CACNA2D2: variants seen among roughly 807,000 people sequenced by gnomAD.
CACNA2D2 encodes the protein calcium voltage-gated channel auxiliary subunit alpha2delta 2, also known as voltage-dependent calcium channel subunit alpha-2/delta-2.
CACNA2D2 carries 48 observed loss-of-function variants against 166.4 expected under a neutral mutation model. That is an observed-to-expected ratio of 0.29 (90% CI 0.23 to 0.37). The LOEUF (loss-of-function observed/expected upper bound fraction) is 0.37. CACNA2D2 is among the 10% of genes least tolerant of loss of function. The pLI is 1.00. For synonymous variants in CACNA2D2, 561 were observed against 573.7 expected (o/e 0.98, Z 0.32); for missense variants, 1,122 against 1,433.0 (o/e 0.78, Z 3.50).
intron 6 of CACNA2D2, among the ~76,000 whole-genome samples, 184 bp downstream of exon 6, chr3:50,384,012 G>A (rs1345642426): frequency 6.6e-6 from 1 of 152,242 alleles, no homozygotes; most frequent in East Asian, 1.9e-4. Context: ...GTGAGGCTCT[G>A]CCTGTAAGTG....
chr3:50,410,023 A>G (rs900158247), intron 3 of CACNA2D2, among the ~76,000 whole-genome samples: 1 of 152,138 alleles, frequency 6.6e-6, no homozygotes, highest in Non-Finnish European at 1.5e-5. Flanking sequence ...GGAGTTGTAT[A>G]CACTCCCCAA....
intron 2 of CACNA2D2, among the ~76,000 whole-genome samples, chr3:50,441,423 C>T (rs9883635): frequency 0.095 from 14,425 of 152,284 alleles, 1,989 homozygotes; most frequent in African/African-American, 0.3. Context: ...TGCCTCGTTA[C>T]GCTGTAAAAT....
chr3:50,503,725 CGGGCTGG>C (rs1699090408), upstream of CACNA2D2: 1 of 152,072 alleles, frequency 6.6e-6, no homozygotes, highest in African/African-American at 2.4e-5. Flanking sequence ...TCTCTCTTCC[CGGGCTGG>C]CCCGCCCCCG....
chr3:50,500,106 C>CGTCA (rs1367256319), intron 1 of CACNA2D2, among the ~76,000 whole-genome samples: 1 of 152,212 alleles, frequency 6.6e-6, no homozygotes, highest in Non-Finnish European at 1.5e-5. Flanking sequence ...GACAGACACA[C>CGTCA]GTCACCCACC....
intron 1 of CACNA2D2, among the ~76,000 whole-genome samples, chr3:50,502,417 G>C (rs1378970102): frequency 1.3e-5 from 2 of 152,232 alleles, no homozygotes; most frequent in East Asian, 3.8e-4. Context: ...GACACATCTG[G>C]CTAAGCTCAC....
At chr3:50,400,867 G>T (rs1559912650) in intron 3 of CACNA2D2, among the ~76,000 whole-genome samples, 2 of 152,138 alleles carry the variant, frequency 1.3e-5, no homozygotes, top group African/African-American at 4.8e-5. Context: ...ATAAGACAAG[G>T]TCTCTCTATG....
intron 2 of CACNA2D2, among the ~76,000 whole-genome samples, chr3:50,465,050 G>A (rs1480124792): frequency 6.6e-6 from 1 of 152,190 alleles, no homozygotes; most frequent in East Asian, 1.9e-4. Flanking sequence ...TGTACTCCTG[G>A]AGTCCATACT....
intron 37 of CACNA2D2, 37 bp downstream of exon 37, chr3:50,364,851 G>A: frequency 1.9e-6 from 3 of 1,613,234 alleles, no homozygotes; most frequent in African/African-American, 1.3e-5. Flanking sequence ...CGGGCGCAAG[G>A]CCGCGGGATT....
At chr3:50,502,128 G>C (rs1698993289) in intron 1 of CACNA2D2, among the ~76,000 whole-genome samples, 1 of 152,188 alleles carries the variant, frequency 6.6e-6, no homozygotes, top group Non-Finnish European at 1.5e-5. Flanking sequence ...GGGCAGAGCT[G>C]GTTTAAATGA....
chr3:50,378,978 A>T lies in CACNA2D2; in HGVS notation c.1276T>A (p.Phe426Ile). The T allele has an allele frequency of 6.2e-7, 1 of 1,613,896 alleles. No individual in the cohort carries two copies. Reference sequence around the variant, plus strand: ...TCATAGTTATGCTGCCCCACGGAGAAAGTAAACACGCGCACCTGTGGGGGG... The same window carrying T: ...TCATAGTTATGCTGCCCCACGGAGATAGTAAACACGCGCACCTGTGGGGGG... ...WPNRTVRVFT[F>I]SVGQHNYDVT... Residue 426 changes from phenylalanine (F) to isoleucine (I), a missense_variant, in exon 13 of 38, where the codon TTC becomes ATC. Phe to Ile is a conservative substitution (Grantham distance 21). Transcript: ENST00000424201.
chr3:50,393,929 G>A (rs1452906961), intron 4 of CACNA2D2, among the ~76,000 whole-genome samples, 180 bp downstream of exon 4: 1 of 152,136 alleles, frequency 6.6e-6, no homozygotes, highest in Non-Finnish European at 1.5e-5. Context: ...ATATCTCACT[G>A]TGTGCCCAGC....
chr3:50,490,831 G>A (rs185912354), intron 1 of CACNA2D2, among the ~76,000 whole-genome samples: 89 of 152,304 alleles, frequency 5.8e-4, no homozygotes, highest in African/African-American at 2.1e-3. Flanking sequence ...GTCTATTTCA[G>A]GACAAGAATA....
At chr3:50,504,244 C>G (rs1322146468), upstream of CACNA2D2, 2 of 152,312 alleles carry the variant, frequency 1.3e-5, no homozygotes, top group Non-Finnish European at 2.9e-5. Context: ...ACTCGCTTCG[C>G]TTCCCTGGGC....
At chr3:50,383,093 A>C (rs188810097) in intron 6 of CACNA2D2, among the ~76,000 whole-genome samples, 1 of 152,206 alleles carries the variant, frequency 6.6e-6, no homozygotes, top group East Asian at 1.9e-4. Context: ...AAACATATAA[A>C]ATGCAATTTA....
At chr3:50,432,648 C>G (rs1467312172) in intron 3 of CACNA2D2, among the ~76,000 whole-genome samples, 1 of 152,204 alleles carries the variant, frequency 6.6e-6, no homozygotes, top group Non-Finnish European at 1.5e-5. Flanking sequence ...GAAGGCGTGG[C>G]TCTGCCTGCT....
chr3:50,473,940 A>T (rs1289825307), intron 2 of CACNA2D2, among the ~76,000 whole-genome samples: 1 of 152,228 alleles, frequency 6.6e-6, no homozygotes, highest in Non-Finnish European at 1.5e-5. Context: ...GAGACACTCC[A>T]CCAGAGTGCC....
At chr3:50,431,025 G>A (rs1221347364) in intron 3 of CACNA2D2, among the ~76,000 whole-genome samples, 4 of 152,156 alleles carry the variant, frequency 2.6e-5, no homozygotes, top group African/African-American at 9.7e-5. Context: ...CTGATTAGAT[G>A]AGACAATGAA....
At chr3:50,492,072 C>A (rs1318435343) in intron 1 of CACNA2D2, among the ~76,000 whole-genome samples, 1 of 152,212 alleles carries the variant, frequency 6.6e-6, no homozygotes, top group Non-Finnish European at 1.5e-5. Flanking sequence ...AAGTATACCC[C>A]CACTATAGGC....
chr3:50,469,210 C>A (rs1709960170), intron 2 of CACNA2D2, among the ~76,000 whole-genome samples: 3 of 152,258 alleles, frequency 2.0e-5, no homozygotes, highest in Middle Eastern at 6.8e-3. Flanking sequence ...GACTCACAGT[C>A]TTCCGGGGTA....
Sources: allele counts gnomAD v4.1 joint callset (sites outside exome capture counted in the v4.1 genomes callset), GRCh38; gene constraint gnomAD v4.1.1; transcripts MANE v1.5; gene names NCBI Gene and HGNC (gene_info 2026-07-23, HGNC 2026-07-21).